The following SNTG1 variants were observed in gnomAD, a reference collection of about 807,000 sequenced individuals.
The protein encoded by SNTG1 is syntrophin gamma 1, also known as gamma-1-syntrophin.
In SNTG1, 39 loss-of-function variants were observed where a neutral mutation model predicts 74.7. The ratio of observed to expected loss-of-function variants is 0.52; its 90% confidence interval spans 0.40 to 0.68. SNTG1 has a LOEUF of 0.68. Ranked by LOEUF, SNTG1 falls within the 30% of genes least tolerant of loss-of-function variation. The pLI is 0.00. For synonymous variants in SNTG1, 254 were observed against 217.1 expected (o/e 1.17, Z -1.49); for missense variants, 685 against 609.5 (o/e 1.12, Z -1.30).
intron 1 of SNTG1, among the ~76,000 whole-genome samples, chr8:50,045,910 C>A (rs1020334865): frequency 2.0e-5 from 3 of 152,146 alleles, no homozygotes; most frequent in Non-Finnish European, 2.9e-5. Context: ...AACTTCCTAG[C>A]TGTGTGAAGA....
chr8:50,573,244 A>C (rs1437671529), intron 12 of SNTG1, among the ~76,000 whole-genome samples: 5 of 152,144 alleles, frequency 3.3e-5, no homozygotes, highest in Non-Finnish European at 7.4e-5. Flanking sequence ...AAAGTACATT[A>C]CAAATTACTG....
chr8:50,235,668 C>T (rs564145964), intron 2 of SNTG1, among the ~76,000 whole-genome samples: 4 of 152,042 alleles, frequency 2.6e-5, no homozygotes, highest in South Asian at 2.1e-4. Context: ...TAGTGGATTA[C>T]GTGTGAAGGA....
intron 1 of SNTG1, among the ~76,000 whole-genome samples, chr8:50,035,813 C>T (rs1046390297): frequency 6.6e-6 from 1 of 152,104 alleles, no homozygotes; most frequent in African/African-American, 2.4e-5. Flanking sequence ...ACACACAAAT[C>T]CGACAGCATG....
At chr8:49,982,380 G>C (rs551483856) in intron 1 of SNTG1, among the ~76,000 whole-genome samples, 1 of 151,944 alleles carries the variant, frequency 6.6e-6, no homozygotes, top group Admixed American at 6.6e-5. Flanking sequence ...CTGCTCCTTG[G>C]TAGACACAGT....
intron 1 of SNTG1, among the ~76,000 whole-genome samples, chr8:50,062,702 C>A (rs1353039871): frequency 6.6e-6 from 1 of 152,088 alleles, no homozygotes; most frequent in Non-Finnish European, 1.5e-5. Context: ...TTTACTTTTT[C>A]TTGGTCAGCA....
intron 1 of SNTG1, among the ~76,000 whole-genome samples, chr8:49,951,873 CAAAAAA>C (rs5891338): frequency 2.8e-4 from 16 of 56,294 alleles, no homozygotes; most frequent in South Asian, 1.2e-3. Flanking sequence ...GGAAAATTCA[CAAAAAA>C]AAAAAAAAAA....
intron 1 of SNTG1, among the ~76,000 whole-genome samples, chr8:50,006,308 A>G (rs1416975446): frequency 6.6e-6 from 1 of 151,480 alleles, no homozygotes; most frequent in African/African-American, 2.4e-5. Context: ...AATTTTCTAT[A>G]TTTTCATTTG....
chr8:50,525,476 CCTT>C (rs1295719117), intron 9 of SNTG1, among the ~76,000 whole-genome samples: 2 of 152,084 alleles, frequency 1.3e-5, no homozygotes, highest in East Asian at 3.9e-4. Context: ...CTGCCCATCT[CCTT>C]CTTTTTTCGG....
intron 8 of SNTG1, among the ~76,000 whole-genome samples, chr8:50,464,585 G>A (rs2093593293): frequency 6.6e-6 from 1 of 152,050 alleles, no homozygotes; most frequent in Middle Eastern, 3.4e-3. Flanking sequence ...GTGATTTGTG[G>A]CACCCTATAA....
chr8:50,223,524 A>G (rs916340677), intron 2 of SNTG1, among the ~76,000 whole-genome samples: 2 of 152,184 alleles, frequency 1.3e-5, no homozygotes, highest in Non-Finnish European at 2.9e-5. Context: ...TTTATTATGC[A>G]AAAGGAAGGT....
chr8:50,712,754 G>T (rs2095465219), intron 17 of SNTG1, among the ~76,000 whole-genome samples: 1 of 151,782 alleles, frequency 6.6e-6, no homozygotes, highest in Non-Finnish European at 1.5e-5. Flanking sequence ...AACATGTGTT[G>T]TTTGGTTTTC....
At chr8:50,203,550 T>C (rs1042208707) in intron 2 of SNTG1, among the ~76,000 whole-genome samples, 1 of 152,174 alleles carries the variant, frequency 6.6e-6, no homozygotes. Context: ...GTATTTTTTT[T>C]AATAGCAGCA....
intron 1 of SNTG1, among the ~76,000 whole-genome samples, chr8:49,938,058 T>C (rs1311269814): frequency 1.3e-5 from 2 of 152,186 alleles, no homozygotes; most frequent in East Asian, 3.8e-4. Context: ...AGTAGCCTCA[T>C]TATTGGTTCC....
intron 2 of SNTG1, among the ~76,000 whole-genome samples, chr8:50,321,847 AAG>A (rs1159996197): frequency 6.6e-6 from 1 of 152,006 alleles, no homozygotes; most frequent in Non-Finnish European, 1.5e-5. Flanking sequence ...CCCAATTTTT[AAG>A]TTTTTGTTGT....
At position 50,003,137 on chromosome 8, in the gene SNTG1, T is replaced by C. The variant is rs151100699; in HGVS notation, c.-103+90906T>C. ...ATCTACTGGGCACAAGCATTTCTTT[T>C]GGGGTGATAAAAATGTTCTGGAATT... On this transcript the variant is annotated intron_variant, in intron 1 of 18. Transcript: ENST00000642720. Among the ~76,000 whole-genome samples, 178 of 152,250 alleles carry C rather than the reference T, an allele frequency of 1.2e-3. 3 individuals carry two copies. In the East Asian group the frequency reaches 0.033, roughly 28 times the overall value.
At chr8:50,437,618 G>T (rs1347545369) in intron 4 of SNTG1, among the ~76,000 whole-genome samples, 1 of 152,182 alleles carries the variant, frequency 6.6e-6, no homozygotes. Context: ...TATTTGTAGA[G>T]ATATAGGGAC....
intron 4 of SNTG1, among the ~76,000 whole-genome samples, chr8:50,404,134 C>T (rs13257851): frequency 0.72 from 109,327 of 152,042 alleles, 39,410 homozygotes; most frequent in East Asian, 0.81. Context: ...GTTTCTAAAA[C>T]TACCTACAAG....
intron 1 of SNTG1, among the ~76,000 whole-genome samples, chr8:49,948,437 G>A (rs1239753376): frequency 1.3e-5 from 2 of 152,064 alleles, no homozygotes; most frequent in Admixed American, 6.6e-5. Flanking sequence ...GGAACACAAT[G>A]TCTTCCCCAA....
chr8:50,623,726 T>C (rs1187738671), intron 13 of SNTG1, among the ~76,000 whole-genome samples: 1 of 152,090 alleles, frequency 6.6e-6, no homozygotes, highest in Admixed American at 6.6e-5. Context: ...TCAATGTTTT[T>C]ATTATGAAAA....
Sources: gnomAD v4.1 joint callset for allele counts (sites outside exome capture counted in the v4.1 genomes callset) on GRCh38, gnomAD v4.1.1 for gene constraint, MANE v1.5 for transcripts, NCBI Gene and HGNC (gene_info 2026-07-23, HGNC 2026-07-21) for gene names.